The following NGRN variants were observed in gnomAD, a reference collection of about 807,000 sequenced individuals.
The protein encoded by NGRN is neugrin.
Under a neutral mutation model 13.1 loss-of-function variants are expected in NGRN, and 12 were observed. The observed-to-expected ratio is 0.92, with a 90% CI of 0.59 to 1.49. The LOEUF (loss-of-function observed/expected upper bound fraction) is 1.49, where lower values mean the gene tolerates loss of function less well. Ranked by LOEUF, NGRN falls within the 40% of genes most tolerant of loss-of-function variation. The probability of loss-of-function intolerance (pLI) is 0.00; values close to 1 mark genes in which losing one functional copy is unlikely to be tolerated. For synonymous variants in NGRN, 149 were observed against 145.8 expected (o/e 1.02, Z -0.16); for missense variants, 397 against 357.0 (o/e 1.11, Z -0.90).
chr15:90,272,019 CTG>C lies in NGRN; in HGVS notation c.*237_*238del, dbSNP rs1596203010. ...TACTCACTCTTCTTGCTTAGGCTCT[CTG>C]TGTGTTGAAAGCCATCCCGTGTTGC... is the stretch of plus-strand genomic sequence containing the variant. On this transcript the variant is annotated 3_prime_UTR_variant, in exon 3 of 3. Transcript: ENST00000379095. The C allele has an allele frequency of 1.9e-6, 1 of 534,704 alleles. No individual in the cohort carries two copies. Among genetic ancestry groups the C allele is most frequent in the Non-Finnish European group, 3.3e-6 (1 of 305,334 alleles). 33.1% of individuals were successfully genotyped at this position (534,704 alleles called of 1,614,324 possible). A position where few individuals can be genotyped will look rare whatever the true frequency, so the allele number is the denominator to read the frequency against.
Position 90,272,094 on chromosome 15 carries a change from G to T in NGRN, c.*306G>T, listed in dbSNP as rs1963515259. 1 of 331,516 alleles carries T rather than the reference G, an allele frequency of 3.0e-6. No homozygotes were observed. Among genetic ancestry groups the T allele is most frequent in the South Asian group, 6.3e-5 (1 of 15,966 alleles). 20.5% of individuals were successfully genotyped at this position (331,516 alleles called of 1,614,324 possible). ...GATACTTGCAATTTATGTTTGAGAA[G>T]AAGTGAAAAGTTTGCCTTCTGACCT... On this transcript the variant is annotated 3_prime_UTR_variant, in exon 3 of 3. Transcript: ENST00000379095.
chr15:90,271,691 A>G lies in NGRN; in HGVS notation c.779A>G (p.Glu260Gly), dbSNP rs1963507839. Reference protein sequence around the residue: ...GALPSGQKLEELKAEEPDNFS... With the variant: ...GALPSGQKLEGLKAEEPDNFS... ...TTGCCAAGTGGTCAGAAGCTGGAGG[A>G]GTTGAAGGCAGAGGAGCCAGATAAC... is the stretch of plus-strand genomic sequence containing the variant. Residue 260 changes from glutamate (E) to glycine (G), a missense_variant, in exon 3 of 3, where the codon GAG becomes GGG. Coordinates refer to ENST00000379095, the MANE Select transcript of NGRN (RefSeq NM_001033088.3). 1 of 1,614,188 alleles carries G rather than the reference A, an allele frequency of 6.2e-7. No individual in the cohort carries two copies. Among genetic ancestry groups the G allele is most frequent in the East Asian group, 2.2e-5 (1 of 44,886 alleles).
rs750810675 is a variant in NGRN at position 90,265,733 on chromosome 15, C to T, written c.21C>T (p.Leu7=). 2 of 1,613,396 alleles carry T rather than the reference C, an allele frequency of 1.2e-6. No individual in the cohort carries two copies. The highest frequency in any genetic ancestry group is 2.2e-5 in the East Asian group (1 of 44,844). ...TCGACATGGCGGTTACCCTGAGTCT[C>T]TTGCTGGGCGGGCGCGTTTGCGCCG... MAVTLS[L]LLGGRVCAAV... The change falls in exon 1 of 3, where the codon CTC becomes CTT. Residue 7 remains leucine, a synonymous_variant. Transcript: ENST00000379095.
intron 2 of NGRN, among the ~76,000 whole-genome samples, chr15:90,268,804 A>T (rs964972703): frequency 2.7e-5 from 4 of 150,942 alleles, no homozygotes; most frequent in South Asian, 2.1e-4. Flanking sequence ...ATATATATAT[A>T]TTTTAAATAA....
At chr15:90,267,019 C>T (rs1298795265) in intron 2 of NGRN, among the ~76,000 whole-genome samples, 1 of 150,558 alleles carries the variant, frequency 6.6e-6, no homozygotes, top group Non-Finnish European at 1.5e-5. Context: ...CACCCACTCT[C>T]CTGTGGGTAC....
At chr15:90,268,475 T>C (rs1269691364) in intron 2 of NGRN, among the ~76,000 whole-genome samples, 4 of 151,982 alleles carry the variant, frequency 2.6e-5, no homozygotes, top group Admixed American at 2.0e-4. Flanking sequence ...ACTTATACTC[T>C]ACTCCCATTT....
rs577567108 is a variant in NGRN, at chr15:90,265,790, G to C, written c.78G>C (p.Gly26=). ...AVTRCGFATR[G]VAGPGPIGRE... ...CTCGCTGTGGGTTCGCGACCCGGGG[G>C]GTGGCGGGCCCAGGCCCTATTGGCC... The change falls in exon 1 of 3, where the codon GGG becomes GGC. Residue 26 remains glycine, a synonymous_variant. Transcript: ENST00000379095. The C allele has an allele frequency of 1.9e-6, 3 of 1,612,596 alleles. No homozygotes were observed. The highest frequency in any genetic ancestry group is 1.3e-5 in the African/African-American group (1 of 74,912).
At chr15:90,270,078 A>G (rs755923064) in intron 2 of NGRN, among the ~76,000 whole-genome samples, 15 of 151,676 alleles carry the variant, frequency 9.9e-5, no homozygotes, top group Non-Finnish European at 1.9e-4. Flanking sequence ...TTCTTTTTTT[A>G]ATAGAGATGG....
At chr15:90,267,873 T>C (rs146832583) in intron 2 of NGRN, among the ~76,000 whole-genome samples, 11 of 152,372 alleles carry the variant, frequency 7.2e-5, no homozygotes, top group African/African-American at 2.6e-4. Flanking sequence ...ATGTACTATT[T>C]TTCATTTCCA....
Position 90,271,222 on chromosome 15 carries a change from G to T in NGRN, c.310G>T (p.Val104Phe). The change falls in exon 3 of 3, where the codon GTT (valine) becomes TTT (phenylalanine). Residue 104 changes from valine to phenylalanine, a missense_variant. Val to Phe is a conservative substitution (Grantham distance 50). Transcript: ENST00000379095. ...LHEEFPESWS[V>F]PRLAEGFDVS... ...TGAGGAATTTCCAGAGTCCTGGTCAGTTCCCAGGTTGGCTGAAGGCTTTGA... is the reference window on the plus strand; with the variant it reads ...TGAGGAATTTCCAGAGTCCTGGTCATTTCCCAGGTTGGCTGAAGGCTTTGA... The T allele has an allele frequency of 1.3e-5, 21 of 1,614,112 alleles. No individual in the cohort carries two copies. Among genetic ancestry groups the T allele is most frequent in the Non-Finnish European group, 1.8e-5 (21 of 1,180,010 alleles).
chr15:90,272,056 T>TA lies in NGRN; in HGVS notation c.*269dup, dbSNP rs1184216987. Reference sequence around the variant, plus strand: ...AGCCATCCCGTGTTGCATGTGTTGTTACAATTTTCTGTGATACTTGCAATT... The same window carrying TA: ...AGCCATCCCGTGTTGCATGTGTTGTTAACAATTTTCTGTGATACTTGCAATT... On this transcript the variant is annotated 3_prime_UTR_variant, in exon 3 of 3. Coordinates refer to ENST00000379095, the MANE Select transcript of NGRN (RefSeq NM_001033088.3). 1 of 415,886 alleles carries TA rather than the reference T, an allele frequency of 2.4e-6. No homozygotes were observed. The highest frequency in any genetic ancestry group is 4.3e-6 in the Non-Finnish European group (1 of 232,936). The allele number at this position is 415,886 out of a possible 1,614,324, so 25.8% of individuals were successfully genotyped here.
chr15:90,268,106 G>T (rs1195544086), intron 2 of NGRN, among the ~76,000 whole-genome samples: 1 of 152,078 alleles, frequency 6.6e-6, no homozygotes, highest in Non-Finnish European at 1.5e-5. Context: ...AGGTTCAAGA[G>T]ATTCTTGGAC....
rs533476579 is a variant in NGRN, at chr15:90,268,409, T to G, written c.275+2011T>G. Among the ~76,000 whole-genome samples the G allele has an allele frequency of 3.3e-5, 5 of 150,506 alleles. No homozygotes were observed. In the South Asian group the frequency reaches 8.4e-4, roughly 25 times the overall value. On this transcript the variant is annotated intron_variant, in intron 2 of 2. Transcript: ENST00000379095. ...TTTTAAGAGGAAAAAAAAAAAACAG[T>G]CCATTAAGTAAAAACTTTCAGCTTC...
In NGRN at chr15:90,269,327, A is replaced by T. The variant is rs1032184264; in HGVS notation, c.276-1861A>T. 5.0e-4 allele frequency among the ~76,000 whole-genome samples: 76 copies of T among 151,060 alleles called. 1 individual carries two copies. The highest frequency in any genetic ancestry group is 3.4e-4 in the Non-Finnish European group (23 of 67,752). ...GAGCCACCATACCCAGCCTTTTTTT[A>T]TTTTTATTATTTTAATTTTACTTTA... On this transcript the variant is annotated intron_variant, in intron 2 of 2. Coordinates refer to ENST00000379095, the MANE Select transcript of NGRN (RefSeq NM_001033088.3).
chr15:90,269,613 C>G (rs1963477305), intron 2 of NGRN, among the ~76,000 whole-genome samples: 1 of 152,152 alleles, frequency 6.6e-6, no homozygotes, highest in South Asian at 2.1e-4. Context: ...CTGCCTGATG[C>G]TAGCCACTCA....
rs34266380 is a variant in NGRN at position 90,269,162 on chromosome 15, ATTTTTTTTTTTT to A, written c.276-2012_276-2001del. ...AGGTGCACACCACTATACCTGGCTA[ATTTTTTTTTTTT>A]TTTTTTTTTTTTTGGATTTTTAGTA... On this transcript the variant is annotated intron_variant, in intron 2 of 2. Coordinates refer to ENST00000379095, the MANE Select transcript of NGRN (RefSeq NM_001033088.3). 1.0e-4 allele frequency among the ~76,000 whole-genome samples: 9 copies of A among 89,630 alleles called. No homozygotes were observed. The South Asian group carries it at 1.4e-3, about 14-fold the overall frequency. The allele number at this position is 89,630 out of a possible 152,430, so 58.8% of individuals were successfully genotyped here.
In NGRN at chr15:90,265,823, G is replaced by A. The variant is rs370343819; in HGVS notation, c.111G>A (p.Pro37=). 78 of 1,609,740 alleles carry A rather than the reference G, an allele frequency of 4.8e-5. No individual in the cohort carries two copies. Among genetic ancestry groups the A allele is most frequent in the Non-Finnish European group, 6.1e-5 (72 of 1,178,234 alleles). The part of the protein sequence containing the change: ...VAGPGPIGRE[P]DPDSDWEPEE... ...GCCCAGGCCCTATTGGCCGGGAGCC[G>A]GACCCCGATTCCGACTGGGAGCCGG... The change falls in exon 1 of 3, where the codon CCG becomes CCA. Residue 37 remains proline, a synonymous_variant. Coordinates refer to ENST00000379095, the MANE Select transcript of NGRN (RefSeq NM_001033088.3).
In NGRN at chr15:90,266,390, G is replaced by A. The variant is rs777062183; in HGVS notation, c.267G>A (p.Glu89=). ...PPRTLTWEAM[E]QIRYLHEEFP... ...GGACCCTGACGTGGGAAGCCATGGA[G>A]CAGATACGGTGAGACTCAGGATACC... The change falls in exon 2 of 3, where the codon GAG becomes GAA. Residue 89 remains glutamate, a synonymous_variant. Coordinates refer to ENST00000379095, the MANE Select transcript of NGRN (RefSeq NM_001033088.3). The A allele has an allele frequency of 1.9e-6, 3 of 1,612,956 alleles. No homozygotes were observed. Among genetic ancestry groups the A allele is most frequent in the African/African-American group, 2.7e-5 (2 of 74,932 alleles).
At chr15:90,267,723 GTGAATAACT>G (rs1963449613) in intron 2 of NGRN, among the ~76,000 whole-genome samples, 1 of 152,202 alleles carries the variant, frequency 6.6e-6, no homozygotes, top group Non-Finnish European at 1.5e-5. Context: ...TAGTGCCCCA[GTGAATAACT>G]ACGTATGTGT....
Sources: allele counts gnomAD v4.1 joint callset (sites outside exome capture counted in the v4.1 genomes callset), GRCh38; gene constraint gnomAD v4.1.1; transcripts MANE v1.5; gene names NCBI Gene and HGNC (gene_info 2026-07-23, HGNC 2026-07-21).